DLG2: variants seen among roughly 807,000 people sequenced by gnomAD.
DLG2 encodes discs large MAGUK scaffold protein 2, also known as disks large homolog 2.
Under a neutral mutation model 132.5 loss-of-function variants are expected in DLG2, and 45 were observed. That is an observed-to-expected ratio of 0.34 (90% CI 0.27 to 0.44). The LOEUF (loss-of-function observed/expected upper bound fraction) is 0.44, where lower values mean the gene tolerates loss of function less well. DLG2 is among the 20% of genes least tolerant of loss of function. The probability of loss-of-function intolerance (pLI) is 1.00; values close to 1 mark genes in which losing one functional copy is unlikely to be tolerated. For missense variants in DLG2, 1,045 were observed against 1,196.9 expected, an observed-to-expected ratio of 0.87 and a Z score of 1.87; for synonymous variants, 424 against 419.6, an observed-to-expected ratio of 1.01 and a Z score of -0.13.
Position 85,072,527 on chromosome 11 carries a change from T to A in DLG2, c.357+39134A>T, listed in dbSNP as rs538836433. Reference sequence around the variant, plus strand: ...TTTCTTAAGTATTGATGATAATGGCTAACATATATTTAACACACCCTCCTT... The same window carrying A: ...TTTCTTAAGTATTGATGATAATGGCAAACATATATTTAACACACCCTCCTT... On this transcript the variant is annotated intron_variant, in intron 6 of 27. Coordinates refer to ENST00000376104, the MANE Select transcript of DLG2 (RefSeq NM_001142699.3). 6.6e-5 allele frequency among the ~76,000 whole-genome samples: 10 copies of A among 151,990 alleles called. 1 individual carries two copies. The highest frequency in any genetic ancestry group is 2.4e-4 in the African/African-American group (10 of 41,518).
chr11:84,412,119 T>A (rs952958644), intron 7 of DLG2, among the ~76,000 whole-genome samples: 10 of 151,854 alleles, frequency 6.6e-5, no homozygotes, highest in Non-Finnish European at 1.3e-4. Context: ...CAGATGGTAA[T>A]ACTGATAATG....
chr11:83,958,177 A>G (rs1255124773), intron 14 of DLG2, among the ~76,000 whole-genome samples: 1 of 152,198 alleles, frequency 6.6e-6, no homozygotes, highest in Non-Finnish European at 1.5e-5. Flanking sequence ...GAAGGAGAAA[A>G]GGCAACTTGA....
At chr11:84,571,731 C>A (rs1314930637) in intron 6 of DLG2, among the ~76,000 whole-genome samples, 1 of 152,054 alleles carries the variant, frequency 6.6e-6, no homozygotes, top group Admixed American at 6.6e-5. Context: ...TCTGGAACAA[C>A]AGAGTGAGTG....
At chr11:84,286,344 A>G (rs1161950208) in intron 7 of DLG2, among the ~76,000 whole-genome samples, 3 of 152,088 alleles carry the variant, frequency 2.0e-5, no homozygotes, top group East Asian at 1.9e-4. Context: ...ATGTAATAGG[A>G]GTGCAAGGGG....
chr11:83,718,044 T>G (rs1027320449), intron 18 of DLG2, among the ~76,000 whole-genome samples: 1 of 152,068 alleles, frequency 6.6e-6, no homozygotes, highest in Non-Finnish European at 1.5e-5. Context: ...CCTCTGGGGG[T>G]CCATTATGCT....
chr11:85,137,472 G>A (rs1292322091), intron 5 of DLG2, among the ~76,000 whole-genome samples: 2 of 152,090 alleles, frequency 1.3e-5, no homozygotes, highest in African/African-American at 2.4e-5. Context: ...TGCAAATCCT[G>A]AAATCGTTTC....
chr11:85,439,560 C>T (rs191336277), intron 3 of DLG2, among the ~76,000 whole-genome samples: 3,409 of 152,048 alleles, frequency 0.022, 123 homozygotes, highest in African/African-American at 0.077. Context: ...GGGGTTTCAC[C>T]ATGTTAGCCA....
chr11:84,219,797 G>A (rs1448497661), intron 8 of DLG2, among the ~76,000 whole-genome samples: 1 of 152,154 alleles, frequency 6.6e-6, no homozygotes, highest in Non-Finnish European at 1.5e-5. Flanking sequence ...CCTGCAGCCA[G>A]CTTACGGTTG....
At chr11:85,267,143 G>T (rs1426871718) in intron 4 of DLG2, among the ~76,000 whole-genome samples, 2 of 152,174 alleles carry the variant, frequency 1.3e-5, no homozygotes, top group African/African-American at 4.8e-5. Flanking sequence ...GGTCATGAGG[G>T]TAGAGTAATC....
chr11:85,230,210 T>C (rs1470764405), intron 4 of DLG2, among the ~76,000 whole-genome samples: 1 of 152,046 alleles, frequency 6.6e-6, no homozygotes, highest in African/African-American at 2.4e-5. Flanking sequence ...GTGATGTTTT[T>C]TTCTTCTTGC....
At chr11:85,075,730 G>A (rs2066450170) in intron 6 of DLG2, among the ~76,000 whole-genome samples, 1 of 151,778 alleles carries the variant, frequency 6.6e-6, no homozygotes, top group Non-Finnish European at 1.5e-5. Context: ...ATATAGGTAT[G>A]TGCATACACT....
intron 6 of DLG2, chr11:84,639,903 C>T (rs1410699418): frequency 5.7e-6 from 1 of 175,818 alleles, no homozygotes; most frequent in African/African-American, 2.4e-5. Flanking sequence ...CTCATCATCC[C>T]CATTCTATTA....
chr11:84,420,453 A>G (rs536804486), intron 7 of DLG2, among the ~76,000 whole-genome samples: 5 of 152,198 alleles, frequency 3.3e-5, no homozygotes, highest in African/African-American at 1.2e-4. Context: ...TGACCCTAGT[A>G]GAAAACAGCT....
chr11:85,482,736 C>A (rs957272889), intron 3 of DLG2, among the ~76,000 whole-genome samples: 5 of 152,078 alleles, frequency 3.3e-5, no homozygotes, highest in Non-Finnish European at 2.9e-5. Context: ...CACATGGACC[C>A]CAGCATCAGG....
At chr11:85,507,427 A>G (rs1168857363) in intron 3 of DLG2, among the ~76,000 whole-genome samples, 2 of 152,128 alleles carry the variant, frequency 1.3e-5, no homozygotes, top group Non-Finnish European at 2.9e-5. Flanking sequence ...ATCTCTCAGC[A>G]TTTGCTTGTC....
At chr11:83,547,465 G>A (rs1344491095) in intron 19 of DLG2, among the ~76,000 whole-genome samples, 1 of 152,066 alleles carries the variant, frequency 6.6e-6, no homozygotes, top group African/African-American at 2.4e-5. Context: ...ACAAAAGAAT[G>A]GATCAGAGAG....
At chr11:83,709,350 T>A (rs1283001025) in intron 18 of DLG2, among the ~76,000 whole-genome samples, 2 of 147,682 alleles carry the variant, frequency 1.4e-5, no homozygotes, top group Non-Finnish European at 3.0e-5. Context: ...ATATATATAA[T>A]ATATATACAC....
intron 16 of DLG2, among the ~76,000 whole-genome samples, chr11:83,843,073 T>C (rs2057953139): frequency 6.6e-6 from 1 of 152,208 alleles, no homozygotes; most frequent in African/African-American, 2.4e-5. Context: ...CTGTGTACCT[T>C]TTAGGATAAG....
At chr11:85,097,594 T>C (rs2070089353) in intron 6 of DLG2, among the ~76,000 whole-genome samples, 1 of 152,200 alleles carries the variant, frequency 6.6e-6, no homozygotes, top group African/African-American at 2.4e-5. Flanking sequence ...ACAGAACAGT[T>C]CTGAGGACAA....
Sources: allele counts gnomAD v4.1 joint callset (sites outside exome capture counted in the v4.1 genomes callset), GRCh38; gene constraint gnomAD v4.1.1; transcripts MANE v1.5; gene names NCBI Gene and HGNC (gene_info 2026-07-23, HGNC 2026-07-21).